CAB39: variants seen among roughly 807,000 people sequenced by gnomAD.
CAB39 encodes calcium-binding protein 39.
A neutral mutation model predicts 40.0 loss-of-function variants in CAB39; 8 were observed. The ratio of observed to expected loss-of-function variants is 0.20; its 90% CI spans 0.12 to 0.36. CAB39 has a LOEUF of 0.36. CAB39 is among the 10% of genes least tolerant of loss of function. The probability of loss-of-function intolerance (pLI) is 1.00; values close to 1 mark genes in which losing one functional copy is unlikely to be tolerated. For synonymous variants in CAB39, 156 were observed against 141.6 expected (o/e 1.10, Z -0.72); for missense variants, 270 against 401.1 (o/e 0.67, Z 2.79).
chr2:230,790,011 C>T (rs1167487825), intron 2 of CAB39, among the ~76,000 whole-genome samples: 1 of 152,054 alleles, frequency 6.6e-6, no homozygotes, highest in Non-Finnish European at 1.5e-5. Context: ...ATCGCTTGAG[C>T]CCAGGAGTTT....
intron 5 of CAB39, among the ~76,000 whole-genome samples, chr2:230,801,317 C>G (rs115636422): frequency 0.012 from 1,788 of 152,292 alleles, 41 homozygotes; most frequent in African/African-American, 0.04. Context: ...AAAGGAAGAC[C>G]AGCAGGAACA....
At chr2:230,818,200 A>G in intron 8 of CAB39, 1 of 455,596 alleles carries the variant, frequency 2.2e-6, no homozygotes. Flanking sequence ...TTCATTCTTA[A>G]AATCCCATCT....
At chr2:230,713,363 C>T (rs1366083701) in intron 1 of CAB39, 133 bp downstream of exon 1, 1 of 152,316 alleles carries the variant, frequency 6.6e-6, no homozygotes, top group Non-Finnish European at 1.5e-5. Flanking sequence ...CAGCTTGTCC[C>T]CGGAGCCCCC....
intron 1 of CAB39, among the ~76,000 whole-genome samples, chr2:230,736,351 A>C (rs1694788329): frequency 6.6e-6 from 1 of 152,184 alleles, no homozygotes; most frequent in Non-Finnish European, 1.5e-5. Flanking sequence ...AAATGGAGAA[A>C]ATTAGGGATA....
chr2:230,795,704 A>G (rs924101911), intron 4 of CAB39, among the ~76,000 whole-genome samples: 2 of 152,170 alleles, frequency 1.3e-5, no homozygotes, highest in African/African-American at 4.8e-5. Flanking sequence ...ATTGAGAATC[A>G]TTGCCTAGAT....
intron 7 of CAB39, among the ~76,000 whole-genome samples, chr2:230,817,042 G>A (rs888949899): frequency 1.3e-5 from 2 of 152,312 alleles, no homozygotes; most frequent in Non-Finnish European, 2.9e-5. Flanking sequence ...AGAGTAAGCC[G>A]TGACAGTTTA....
chr2:230,765,303 T>C (rs913100499), intron 2 of CAB39, among the ~76,000 whole-genome samples: 2 of 152,186 alleles, frequency 1.3e-5, no homozygotes, highest in Non-Finnish European at 2.9e-5. Flanking sequence ...CAATAACTGC[T>C]ATTAAAGTTT....
At chr2:230,723,684 C>T (rs1469024969) in intron 1 of CAB39, among the ~76,000 whole-genome samples, 1 of 152,166 alleles carries the variant, frequency 6.6e-6, no homozygotes, top group African/African-American at 2.4e-5. Context: ...AAGCCCTGGG[C>T]AGAAGATTAG....
At chr2:230,737,594 A>T (rs1694809270) in intron 1 of CAB39, among the ~76,000 whole-genome samples, 2 of 152,226 alleles carry the variant, frequency 1.3e-5, no homozygotes, top group Non-Finnish European at 2.9e-5. Flanking sequence ...TATTTTGTTT[A>T]GTCCTCACAT....
intron 1 of CAB39, among the ~76,000 whole-genome samples, chr2:230,745,337 TC>T (rs1694953049): frequency 6.6e-6 from 1 of 152,168 alleles, no homozygotes. Flanking sequence ...CTTTGAAAAA[TC>T]TTTTTTTGTA....
At chr2:230,785,991 C>T (rs551716393) in intron 2 of CAB39, among the ~76,000 whole-genome samples, 5 of 151,686 alleles carry the variant, frequency 3.3e-5, no homozygotes, top group East Asian at 1.9e-4. Context: ...GGTGAAACCC[C>T]GTCTCTACTA....
chr2:230,787,691 GTCTGGTGTCT>G, intron 2 of CAB39, among the ~76,000 whole-genome samples: 1 of 152,298 alleles, frequency 6.6e-6, no homozygotes, highest in East Asian at 1.9e-4. Context: ...AGGAGTGGTG[GTCTGGTGTCT>G]TCTGCATTGT....
chr2:230,759,465 G>T (rs1695251432), intron 1 of CAB39, among the ~76,000 whole-genome samples: 1 of 152,208 alleles, frequency 6.6e-6, no homozygotes, highest in Non-Finnish European at 1.5e-5. Context: ...ACAGTGTGGT[G>T]ATTAAGGACG....
intron 1 of CAB39, among the ~76,000 whole-genome samples, chr2:230,752,481 A>G (rs572451408): frequency 6.6e-6 from 1 of 152,334 alleles, no homozygotes; most frequent in South Asian, 2.1e-4. Context: ...TGGAAGGTCA[A>G]AATAGGGACA....
intron 4 of CAB39, among the ~76,000 whole-genome samples, chr2:230,797,172 A>G (rs974476366): frequency 6.6e-6 from 1 of 152,190 alleles, no homozygotes; most frequent in Non-Finnish European, 1.5e-5. Flanking sequence ...GTGGGAATGA[A>G]TAAAAGGAAA....
At chr2:230,816,413 G>T (rs566609285) in intron 7 of CAB39, among the ~76,000 whole-genome samples, 1 of 152,298 alleles carries the variant, frequency 6.6e-6, no homozygotes, top group South Asian at 2.1e-4. Flanking sequence ...GCTTCTCACC[G>T]TAAGAATAGA....
chr2:230,769,715 A>G (rs1262827829), intron 2 of CAB39, among the ~76,000 whole-genome samples: 1 of 152,034 alleles, frequency 6.6e-6, no homozygotes, highest in African/African-American at 2.4e-5. Flanking sequence ...ATAGTGGCTC[A>G]TGCCTGTCAT....
chr2:230,810,111 T>C lies in CAB39; in HGVS notation c.568-152T>C, dbSNP rs1184879191. On this transcript the variant is annotated intron_variant, in intron 5 of 8. Transcript: ENST00000258418. ...AATTAATGATTTTATTTTGCTCTTATAGAATCAGTGTTTTAATACAATTCA... is the reference window on the plus strand; with the variant it reads ...AATTAATGATTTTATTTTGCTCTTACAGAATCAGTGTTTTAATACAATTCA... The C allele has an allele frequency of 1.6e-5, 8 of 495,576 alleles. No homozygotes were observed. In the South Asian group the frequency reaches 1.8e-4, roughly 11 times the overall value. The allele number at this position is 495,576 out of a possible 1,614,324, so 30.7% of individuals were successfully genotyped here.
In CAB39 at chr2:230,793,774, A is replaced by G. The variant is rs112456588; in HGVS notation, c.398+443A>G. On this transcript the variant is annotated intron_variant, in intron 4 of 8. Transcript: ENST00000258418. Reference sequence around the variant, plus strand: ...CTCTACAGCTTTACTTTGTTGAGTCAGCAAAGTACATGTTTATGAAGTAGT... The same window carrying G: ...CTCTACAGCTTTACTTTGTTGAGTCGGCAAAGTACATGTTTATGAAGTAGT... Among the ~76,000 whole-genome samples, 1,462 of 152,360 alleles carry G rather than the reference A, an allele frequency of 9.6e-3. 22 individuals are homozygous for G. The highest frequency in any genetic ancestry group is 0.032 in the African/African-American group (1,348 of 41,580).
Sources: gnomAD v4.1 joint callset for allele counts (sites outside exome capture counted in the v4.1 genomes callset) on GRCh38, gnomAD v4.1.1 for gene constraint, MANE v1.5 for transcripts, NCBI Gene and HGNC (gene_info 2026-07-23, HGNC 2026-07-21) for gene names.